Variants in PTPN22 observed in about 807,000 individuals in gnomAD.
PTPN22 encodes protein tyrosine phosphatase non-receptor type 22.
PTPN22 carries 85 observed loss-of-function variants against 103.3 expected under a neutral mutation model. The ratio of observed to expected loss-of-function variants is 0.82; its 90% CI spans 0.69 to 0.99. PTPN22 has a LOEUF of 0.99. PTPN22 is among the 50% of genes least tolerant of loss of function. The pLI is 0.00. For synonymous variants in PTPN22, 323 were observed against 310.2 expected (o/e 1.04, Z -0.43); for missense variants, 865 against 936.9 (o/e 0.92, Z 1.00).
chr1:113,867,704 G>C (rs1666232020), intron 1 of PTPN22, among the ~76,000 whole-genome samples: 1 of 152,182 alleles, frequency 6.6e-6, no homozygotes, highest in Non-Finnish European at 1.5e-5. Flanking sequence ...ATGTTTATAT[G>C]AATGTATAAA....
intron 9 of PTPN22, among the ~76,000 whole-genome samples, chr1:113,853,168 C>T (rs1664713070): frequency 6.6e-6 from 1 of 151,748 alleles, no homozygotes; most frequent in South Asian, 2.1e-4. Context: ...GAACTCCCGA[C>T]CTCAGGTGAT....
intron 11 of PTPN22, among the ~76,000 whole-genome samples, chr1:113,841,339 A>G (rs1663529547): frequency 6.6e-6 from 1 of 152,218 alleles, no homozygotes; most frequent in Non-Finnish European, 1.5e-5. Flanking sequence ...AAACTCTTAT[A>G]AGAAAATGGG....
At chr1:113,826,803 G>A (rs1746858) in intron 18 of PTPN22, among the ~76,000 whole-genome samples, 6 of 149,036 alleles carry the variant, frequency 4.0e-5, no homozygotes, top group Non-Finnish European at 9.0e-5. Context: ...CCAAGTAGCT[G>A]GGACTACAGG....
intron 7 of PTPN22, among the ~76,000 whole-genome samples, chr1:113,855,503 C>CAAAAAAAAAA (rs58516952): frequency 1.5e-4 from 13 of 84,426 alleles, no homozygotes; most frequent in African/African-American, 5.4e-4. Flanking sequence ...GACTCTGTCT[C>CAAAAAAAAAA]AAAAAAAAAA....
At chr1:113,825,171 C>T (rs140698521) in exon 19 of PTPN22, 311 of 1,493,532 alleles carry the variant, frequency 2.1e-4, no homozygotes, top group Non-Finnish European at 2.6e-4. Context: ...AATTTTCAAA[C>T]TCTACAAAAG....
Position 113,829,710 on chromosome 1 carries a change from TAAA to T in PTPN22, c.2135-6_2135-4del, listed in dbSNP as rs57877024. On this transcript the variant is annotated splice_region_variant and splice_polypyrimidine_tract_variant and intron_variant, in intron 17 of 20. Coordinates refer to ENST00000359785, the Ensembl canonical transcript of PTPN22. ...TTCTATAGATTGGGCCTGCATACCTTAAAAAAAAAAAAGGAGAAAAACATGTTC... is the reference window on the plus strand; with the variant it reads ...TTCTATAGATTGGGCCTGCATACCTTAAAAAAAAAGGAGAAAAACATGTTC... 7.4e-5 allele frequency: 94 copies of T among 1,266,392 alleles called. No individual in the cohort carries two copies. Among genetic ancestry groups the T allele is most frequent in the South Asian group, 1.7e-4 (12 of 70,466 alleles). The allele number at this position is 1,266,392 out of a possible 1,614,324, so 78.4% of individuals were successfully genotyped here. A position where few individuals can be genotyped will look rare whatever the true frequency, so the allele number is the denominator to read the frequency against.
At chr1:113,834,348 T>C (rs759286809) in exon 15 of PTPN22, 10 of 1,613,978 alleles carry the variant, frequency 6.2e-6, no homozygotes, top group Non-Finnish European at 8.5e-6. Flanking sequence ...CAAATTTCTT[T>C]GGTTCAGATG....
At chr1:113,840,446 A>G (rs567785432) in intron 11 of PTPN22, among the ~76,000 whole-genome samples, 2 of 152,332 alleles carry the variant, frequency 1.3e-5, no homozygotes, top group African/African-American at 4.8e-5. Context: ...ATGGCATCAA[A>G]AAGAATAAAA....
chr1:113,845,101 G>A (rs571206083), intron 11 of PTPN22, among the ~76,000 whole-genome samples: 1 of 152,262 alleles, frequency 6.6e-6, no homozygotes, highest in Non-Finnish European at 1.5e-5. Context: ...TTACAGGCAA[G>A]AGCCACCATG....
intron 1 of PTPN22, among the ~76,000 whole-genome samples, chr1:113,870,865 A>G (rs1400494538): frequency 6.6e-6 from 1 of 152,164 alleles, no homozygotes; most frequent in Non-Finnish European, 1.5e-5. Flanking sequence ...AAAAAAGAAA[A>G]AAACAATTTT....
intron 11 of PTPN22, among the ~76,000 whole-genome samples, chr1:113,846,209 C>T (rs1664036491): frequency 6.6e-6 from 1 of 151,978 alleles, no homozygotes; most frequent in Non-Finnish European, 1.5e-5. Context: ...TCTCATTGCT[C>T]TTTTCTTTTT....
intron 1 of PTPN22, among the ~76,000 whole-genome samples, chr1:113,870,113 G>C (rs1666455337): frequency 6.6e-6 from 1 of 152,136 alleles, no homozygotes; most frequent in African/African-American, 2.4e-5. Flanking sequence ...GCTTAGAACT[G>C]AACTTGGTAC....
At chr1:113,829,112 A>G (rs1168849567) in intron 18 of PTPN22, 2 of 151,510 alleles carry the variant, frequency 1.3e-5, no homozygotes, top group African/African-American at 2.4e-5. Flanking sequence ...GCTTCCCCCT[A>G]CTCCCATGTG....
intron 11 of PTPN22, 54 bp from the exon 12 acceptor site, chr1:113,838,674 T>C: frequency 6.4e-7 from 1 of 1,557,658 alleles, no homozygotes; most frequent in Non-Finnish European, 8.7e-7. Flanking sequence ...GTCAATAAGA[T>C]ATTTTAATAT....
intron 11 of PTPN22, among the ~76,000 whole-genome samples, chr1:113,841,775 G>A (rs1197896535): frequency 6.6e-6 from 1 of 152,010 alleles, no homozygotes; most frequent in Admixed American, 6.6e-5. Flanking sequence ...GCTAATTTTT[G>A]TCTTTGTAGG....
chr1:113,828,624 C>T (rs1372192335), intron 18 of PTPN22, among the ~76,000 whole-genome samples: 1 of 152,078 alleles, frequency 6.6e-6, no homozygotes, highest in Non-Finnish European at 1.5e-5. Context: ...TCTTTTTATA[C>T]ACTAATATGC....
chr1:113,846,265 T>G (rs1278616265), intron 11 of PTPN22, among the ~76,000 whole-genome samples: 1 of 152,196 alleles, frequency 6.6e-6, no homozygotes, highest in Non-Finnish European at 1.5e-5. Context: ...CCATTTTGAT[T>G]TACCTATAGT....
intron 1 of PTPN22, among the ~76,000 whole-genome samples, chr1:113,869,300 G>A (rs1173528873): frequency 2.0e-5 from 3 of 152,226 alleles, no homozygotes; most frequent in Non-Finnish European, 2.9e-5. Flanking sequence ...GGCAAGGCTA[G>A]AGGCAGAGAA....
At chr1:113,815,094 C>A in intron 20 of PTPN22, 125 bp from the exon 21 acceptor site, 1 of 675,192 alleles carries the variant, frequency 1.5e-6, no homozygotes, top group Non-Finnish European at 2.5e-6. Flanking sequence ...TAGGCAGCAT[C>A]TTGACCAGTT....
Sources: allele counts gnomAD v4.1 joint callset (sites outside exome capture counted in the v4.1 genomes callset), GRCh38; gene constraint gnomAD v4.1.1; transcripts MANE v1.5; gene names NCBI Gene and HGNC (gene_info 2026-07-23, HGNC 2026-07-21).